Variants in MB21D2 observed in about 807,000 individuals in gnomAD.
MB21D2 encodes Mab-21 domain containing 2, also known as nucleotidyltransferase MB21D2.
Under a neutral mutation model 33.3 loss-of-function variants are expected in MB21D2, and 9 were observed. The ratio of observed to expected loss-of-function variants is 0.27; its 90% CI spans 0.16 to 0.47. The LOEUF (loss-of-function observed/expected upper bound fraction) is 0.47, where lower values mean the gene tolerates loss of function less well. Ranked by LOEUF, MB21D2 falls within the 20% of genes least tolerant of loss-of-function variation. The pLI is 0.99. For missense variants in MB21D2, 540 were observed against 624.6 expected, an observed-to-expected ratio of 0.86 and a Z score of 1.44; for synonymous variants, 241 against 236.3, an observed-to-expected ratio of 1.02 and a Z score of -0.18.
At chr3:192,899,489 A>G (rs545549573) in intron 1 of MB21D2, among the ~76,000 whole-genome samples, 1 of 152,276 alleles carries the variant, frequency 6.6e-6, no homozygotes, top group African/African-American at 2.4e-5. Context: ...AGATCACGCC[A>G]CTGCACTCCA....
intron 1 of MB21D2, among the ~76,000 whole-genome samples, chr3:192,816,084 T>C (rs1036171147): frequency 6.6e-6 from 1 of 152,174 alleles, no homozygotes; most frequent in African/African-American, 2.4e-5. Context: ...TTTCCAAAGC[T>C]ATCAATTGTC....
chr3:192,857,289 A>C, intron 1 of MB21D2, among the ~76,000 whole-genome samples: 1 of 152,256 alleles, frequency 6.6e-6, no homozygotes, highest in East Asian at 1.9e-4. Context: ...GCATAATGTA[A>C]GAACAAAGAA....
At chr3:192,817,893 T>G (rs1711961393) in intron 1 of MB21D2, among the ~76,000 whole-genome samples, 1 of 123,144 alleles carries the variant, frequency 8.1e-6, no homozygotes, top group African/African-American at 3.0e-5. Flanking sequence ...CTGAGGCCAA[T>G]CTCCATTTTC....
At chr3:192,834,551 T>G (rs1356002166) in intron 1 of MB21D2, among the ~76,000 whole-genome samples, 1 of 152,118 alleles carries the variant, frequency 6.6e-6, no homozygotes, top group Non-Finnish European at 1.5e-5. Context: ...CACTCCTTTT[T>G]GTGTCTTCTG....
intron 1 of MB21D2, among the ~76,000 whole-genome samples, chr3:192,837,736 C>T (rs1292548463): frequency 2.6e-5 from 4 of 152,108 alleles, no homozygotes; most frequent in Admixed American, 6.5e-5. Flanking sequence ...CATGAGTCTC[C>T]GGCTTTAGAT....
At chr3:192,884,095 T>C (rs1017049566) in intron 1 of MB21D2, among the ~76,000 whole-genome samples, 3 of 152,054 alleles carry the variant, frequency 2.0e-5, no homozygotes, top group African/African-American at 4.8e-5. Flanking sequence ...CCGAAGCCCT[T>C]GGCATGGGCG....
chr3:192,857,009 T>A (rs1366877262), intron 1 of MB21D2, among the ~76,000 whole-genome samples: 1 of 152,110 alleles, frequency 6.6e-6, no homozygotes, highest in Non-Finnish European at 1.5e-5. Flanking sequence ...GATCACATAC[T>A]ACAGCCAGCA....
At position 192,841,421 on chromosome 3, in the gene MB21D2, C is replaced by G. The variant is rs143250118; in HGVS notation, c.212-41771G>C. ...CAAGATTGGGTTATAAAAGGCATTG[C>G]AGCTTCAATCTTAGTCTTTTGTCTG... On this transcript the variant is annotated intron_variant, in intron 1 of 1. Coordinates refer to ENST00000392452, the MANE Select transcript of MB21D2 (RefSeq NM_178496.4). Among the ~76,000 whole-genome samples, 296 of 152,376 alleles carry G rather than the reference C, an allele frequency of 1.9e-3. 1 individual carries two copies. The highest frequency in any genetic ancestry group is 6.6e-3 in the African/African-American group (273 of 41,594).
At chr3:192,829,405 C>T (rs1424946842) in intron 1 of MB21D2, among the ~76,000 whole-genome samples, 1 of 152,212 alleles carries the variant, frequency 6.6e-6, no homozygotes. Context: ...ATCGCCGTTC[C>T]ATTTTTTAAG....
At chr3:192,858,855 C>A (rs180864869) in intron 1 of MB21D2, among the ~76,000 whole-genome samples, 148 of 152,284 alleles carry the variant, frequency 9.7e-4, no homozygotes, top group Non-Finnish European at 2.5e-4. Flanking sequence ...CTATTTACAG[C>A]GTACAAACCA....
chr3:192,826,634 AGTTAGT>A (rs1712178171), intron 1 of MB21D2, among the ~76,000 whole-genome samples: 1 of 152,250 alleles, frequency 6.6e-6, no homozygotes, highest in African/African-American at 2.4e-5. Context: ...ACCCCATGTC[AGTTAGT>A]GTTAAACTGG....
intron 1 of MB21D2, among the ~76,000 whole-genome samples, chr3:192,800,099 C>CT (rs1415023146): frequency 1.3e-5 from 2 of 152,152 alleles, no homozygotes; most frequent in East Asian, 3.8e-4. Flanking sequence ...GAAGTTCGGC[C>CT]TTTTTTATCT....
rs139309193 is a variant in MB21D2 at position 192,829,163 on chromosome 3, C to T, written c.212-29513G>A. 4.3e-3 allele frequency among the ~76,000 whole-genome samples: 653 copies of T among 152,270 alleles called. 5 individuals carry two copies. Among genetic ancestry groups the T allele is most frequent in the Non-Finnish European group, 5.7e-3 (385 of 68,032 alleles). On this transcript the variant is annotated intron_variant, in intron 1 of 1. Coordinates refer to ENST00000392452, the MANE Select transcript of MB21D2 (RefSeq NM_178496.4). ...TGCATGACATATAAATGACACAGTA[C>T]GTAGCCTTTTATAACTAGTTTCTTT...
chr3:192,812,110 C>T (rs545787047), intron 1 of MB21D2, among the ~76,000 whole-genome samples: 4 of 152,140 alleles, frequency 2.6e-5, no homozygotes, highest in African/African-American at 9.6e-5. Context: ...GGTAGTGGCA[C>T]AATCTTGGCT....
chr3:192,846,727 C>T (rs893029563), intron 1 of MB21D2, among the ~76,000 whole-genome samples: 2 of 152,182 alleles, frequency 1.3e-5, no homozygotes, highest in African/African-American at 4.8e-5. Flanking sequence ...ACGTGCACTA[C>T]TGAGAAGCAC....
In MB21D2 at chr3:192,828,591, CATATATATATATATATA is replaced by C. The variant is rs1712230656; in HGVS notation, c.212-28958_212-28942del. ...TATATACAATAAAACTCACCCCCCC[CATATATATATATATATA>C]TATATATATATATATATATATATAT... On this transcript the variant is annotated intron_variant, in intron 1 of 1. Coordinates refer to ENST00000392452, the MANE Select transcript of MB21D2 (RefSeq NM_178496.4). 7.0e-4 allele frequency among the ~76,000 whole-genome samples: 38 copies of C among 54,140 alleles called. 7 individuals are homozygous for C. Among genetic ancestry groups the C allele is most frequent in the South Asian group, 1.6e-3 (2 of 1,258 alleles). The allele number at this position is 54,140 out of a possible 152,430, so 35.5% of individuals were successfully genotyped here. A position where few individuals can be genotyped will look rare whatever the true frequency, so the allele number is the denominator to read the frequency against.
intron 1 of MB21D2, among the ~76,000 whole-genome samples, chr3:192,832,003 T>G (rs999498050): frequency 1.3e-5 from 2 of 152,154 alleles, no homozygotes; most frequent in Non-Finnish European, 2.9e-5. Flanking sequence ...TCAAAATGAC[T>G]GCTACAAAGC....
chr3:192,904,350 T>C (rs1714162893), intron 1 of MB21D2, among the ~76,000 whole-genome samples: 1 of 152,196 alleles, frequency 6.6e-6, no homozygotes, highest in Non-Finnish European at 1.5e-5. Context: ...CCTGAAAGTA[T>C]TCAGATCAGA....
intron 1 of MB21D2, among the ~76,000 whole-genome samples, chr3:192,826,194 A>G (rs1712170777): frequency 6.6e-6 from 1 of 152,220 alleles, no homozygotes; most frequent in African/African-American, 2.4e-5. Context: ...TTTAACATTT[A>G]TCATATTCTC....
Sources: allele counts gnomAD v4.1 joint callset (sites outside exome capture counted in the v4.1 genomes callset), GRCh38; gene constraint gnomAD v4.1.1; transcripts MANE v1.5; gene names NCBI Gene and HGNC (gene_info 2026-07-23, HGNC 2026-07-21).